The following MTAP variants were observed in gnomAD, a reference collection of about 807,000 sequenced individuals.
MTAP encodes the protein S-methyl-5'-thioadenosine phosphorylase.
A neutral mutation model predicts 33.6 loss-of-function variants in MTAP; 33 were observed. The observed-to-expected ratio is 0.98, with a 90% CI of 0.74 to 1.31. The LOEUF is 1.31. Among genes scored for constraint, MTAP ranks in the 40% most tolerant of loss-of-function variants. MTAP has a pLI of 0.00. For synonymous variants in MTAP, 148 were observed against 125.7 expected (o/e 1.18, Z -1.19); for missense variants, 367 against 360.0 (o/e 1.02, Z -0.16).
At chr9:21,870,343 A>G (rs891723934), downstream of MTAP, among the ~76,000 whole-genome samples, 1 of 152,252 alleles carries the variant, frequency 6.6e-6, no homozygotes, top group African/African-American at 2.4e-5. Context: ...TCCAAAATGT[A>G]CAACCTCTGT....
At chr9:21,833,136 G>A (rs1387662391) in intron 4 of MTAP, among the ~76,000 whole-genome samples, 1 of 152,094 alleles carries the variant, frequency 6.6e-6, no homozygotes, top group Non-Finnish European at 1.5e-5. Context: ...GGGCACTCTT[G>A]ATACCAGAAC....
At chr9:21,906,272 A>G (rs184876793) in intron 1 of MTAP, among the ~76,000 whole-genome samples, 4 of 152,384 alleles carry the variant, frequency 2.6e-5, no homozygotes, top group East Asian at 3.9e-4. Context: ...AAAACGGGAT[A>G]AAAGAAAATA....
intron 5 of MTAP, among the ~76,000 whole-genome samples, chr9:21,842,460 C>T (rs983735877): frequency 5.3e-5 from 8 of 152,148 alleles, no homozygotes; most frequent in African/African-American, 1.7e-4. Flanking sequence ...ATTTATCAGG[C>T]TATCTAAAGT....
chr9:21,930,437 A>T (rs1818938708), intron 1 of MTAP: 1 of 215,250 alleles, frequency 4.6e-6, no homozygotes, highest in African/African-American at 2.3e-5. Flanking sequence ...GGACATCTTT[A>T]TACTCCCTGG....
At position 21,885,834 on chromosome 9, in the gene MTAP, T is replaced by G. The variant is rs114436255; in HGVS notation, c.147+30964T>G. On this transcript the variant is annotated intron_variant, in intron 1 of 1. Transcript: ENST00000577563. Reference sequence around the variant, plus strand: ...TGTGTGTGTGTGTATACAGATCACATTTTCTTCATCCACTCGTTGAATGAT... The same window carrying G: ...TGTGTGTGTGTGTATACAGATCACAGTTTCTTCATCCACTCGTTGAATGAT... 9.2e-3 allele frequency among the ~76,000 whole-genome samples: 1,380 copies of G among 150,276 alleles called. 14 individuals carry two copies. The highest frequency in any genetic ancestry group is 0.032 in the African/African-American group (1,319 of 40,980).
chr9:21,824,929 C>T (rs763022251), intron 4 of MTAP, among the ~76,000 whole-genome samples: 4 of 151,970 alleles, frequency 2.6e-5, no homozygotes, highest in Non-Finnish European at 4.4e-5. Flanking sequence ...CCTGGTGTGC[C>T]GTTTGCTAAG....
At chr9:21,873,645 T>C (rs1411592759) in intron 1 of MTAP, among the ~76,000 whole-genome samples, 1 of 123,522 alleles carries the variant, frequency 8.1e-6, no homozygotes, top group African/African-American at 3.1e-5. Flanking sequence ...AACAACTTTA[T>C]TGTTTTTAAG....
intron 4 of MTAP, among the ~76,000 whole-genome samples, chr9:21,823,092 T>C (rs1261948631): frequency 3.7e-4 from 56 of 152,242 alleles, no homozygotes; most frequent in Admixed American, 3.6e-3. Flanking sequence ...AATTTGCCAG[T>C]CTGTGTCTTT....
intron 1 of MTAP, among the ~76,000 whole-genome samples, chr9:21,926,527 A>G (rs964577310): frequency 3.9e-5 from 6 of 152,212 alleles, no homozygotes; most frequent in Admixed American, 1.3e-4. Flanking sequence ...CCCTAGACTC[A>G]TCCTCCCAAT....
At chr9:21,879,828 AT>A (rs149793082) in intron 1 of MTAP, among the ~76,000 whole-genome samples, 7,059 of 151,954 alleles carry the variant, frequency 0.046, 400 homozygotes, top group African/African-American at 0.14. Flanking sequence ...TCAGTGGAAG[AT>A]TTTTTTTCTT....
chr9:21,935,244 T>A (rs1225043793), downstream of MTAP: 1 of 152,206 alleles, frequency 6.6e-6, no homozygotes, highest in Non-Finnish European at 1.5e-5. Context: ...AATGAACTTT[T>A]CAATAGTAAT....
At chr9:21,915,064 C>CT (rs1407460069) in intron 1 of MTAP, among the ~76,000 whole-genome samples, 1 of 122,730 alleles carries the variant, frequency 8.1e-6, no homozygotes, top group African/African-American at 4.2e-5. Flanking sequence ...TCCTTTCTTT[C>CT]TTTCTTTCTT....
At chr9:21,910,442 G>A (rs534884643) in intron 1 of MTAP, among the ~76,000 whole-genome samples, 4 of 152,268 alleles carry the variant, frequency 2.6e-5, no homozygotes, top group African/African-American at 7.2e-5. Flanking sequence ...ACTATTGGAA[G>A]ATGACATATG....
At chr9:21,839,301 A>T (rs1010105554) in intron 5 of MTAP, among the ~76,000 whole-genome samples, 15 of 152,116 alleles carry the variant, frequency 9.9e-5, no homozygotes, top group African/African-American at 3.4e-4. Context: ...ATCTGTCCAC[A>T]TAATAGATTT....
Position 21,815,516 on chromosome 9 carries a change from C to A in MTAP, c.117C>A (p.Gly39=), listed in dbSNP as rs926958534. The A allele has an allele frequency of 1.2e-6, 2 of 1,601,842 alleles. No individual in the cohort carries two copies. The highest frequency in any genetic ancestry group is 2.7e-5 in the African/African-American group (2 of 73,966). The change falls in exon 2 of 8, where the codon GGC becomes GGA. Residue 39 remains glycine (G), a synonymous_variant. Transcript: ENST00000644715. Reference sequence around the variant, plus strand: ...AAAAATATGTGGATACTCCATTTGGCAAGGTTAATATCCAACTTGTGGAGA... The same window carrying A: ...AAAAATATGTGGATACTCCATTTGGAAAGGTTAATATCCAACTTGTGGAGA... ...RTEKYVDTPF[G]KPSDALILGK... is the part of the protein sequence containing the mutation.
Position 21,864,070 on chromosome 9 carries a change from A to T in MTAP, c.*2056A>T, listed in dbSNP as rs2118596188. Reference sequence around the variant, plus strand: ...TGGTACCTTACTTTTCCTCATTCTTAATAGGTGTCTAAGAATGTCAGGGCA... The same window carrying T: ...TGGTACCTTACTTTTCCTCATTCTTTATAGGTGTCTAAGAATGTCAGGGCA... On this transcript the variant is annotated 3_prime_UTR_variant, in exon 8 of 8. Transcript: ENST00000644715. 1.0e-6 allele frequency: 1 copy of T among 985,414 alleles called. No individual in the cohort carries two copies. Among genetic ancestry groups the T allele is most frequent in the East Asian group, 1.1e-4 (1 of 8,806 alleles). The allele number at this position is 985,414 out of a possible 1,614,324, so 61.0% of individuals were successfully genotyped here.
At chr9:21,852,335 G>A (rs1012469144) in intron 5 of MTAP, among the ~76,000 whole-genome samples, 1 of 151,978 alleles carries the variant, frequency 6.6e-6, no homozygotes, top group Non-Finnish European at 1.5e-5. Context: ...GGTGAAAGGG[G>A]TCTCTACTAA....
At chr9:21,836,619 A>G (rs1825113977) in intron 4 of MTAP, among the ~76,000 whole-genome samples, 1 of 152,214 alleles carries the variant, frequency 6.6e-6, no homozygotes, top group Admixed American at 6.5e-5. Flanking sequence ...ATCTTTCAAA[A>G]AGAGAAAAGC....
chr9:21,834,300 T>C (rs1306181426), intron 4 of MTAP, among the ~76,000 whole-genome samples: 2 of 152,194 alleles, frequency 1.3e-5, no homozygotes, highest in Non-Finnish European at 2.9e-5. Context: ...GGCACACAGC[T>C]AGTGAGTGGT....
Sources: gnomAD v4.1 joint callset for allele counts (sites outside exome capture counted in the v4.1 genomes callset) on GRCh38, gnomAD v4.1.1 for gene constraint, MANE v1.5 for transcripts, NCBI Gene and HGNC (gene_info 2026-07-23, HGNC 2026-07-21) for gene names.